Variants in FAM168A observed in about 807,000 individuals in gnomAD.
FAM168A encodes family with sequence similarity 168 member A.
In FAM168A, 3 loss-of-function variants were observed where a neutral mutation model predicts 28.5. The observed-to-expected ratio is 0.11, with a 90% CI of 0.05 to 0.27. The LOEUF is 0.27. Among genes scored for constraint, FAM168A ranks in the 10% least tolerant of loss-of-function variants. The pLI, the probability that FAM168A is intolerant of heterozygous loss-of-function variation, is 1.00. For synonymous variants in FAM168A, 122 were observed against 124.2 expected, an observed-to-expected ratio of 0.98 and a Z score of 0.12; for missense variants, 222 against 311.5, an observed-to-expected ratio of 0.71 and a Z score of 2.16.
At chr11:73,438,823 T>G (rs563456628) in intron 2 of FAM168A, among the ~76,000 whole-genome samples, 1 of 152,058 alleles carries the variant, frequency 6.6e-6, no homozygotes, top group Non-Finnish European at 1.5e-5. Flanking sequence ...TACAAAGATG[T>G]TTAGGAGGCA....
intron 1 of FAM168A, among the ~76,000 whole-genome samples, chr11:73,559,592 T>C (rs1322033050): frequency 6.6e-6 from 1 of 152,122 alleles, no homozygotes; most frequent in Non-Finnish European, 1.5e-5. Context: ...GGTAAATCCA[T>C]AGAGATGAAA....
rs753690704 is a variant in FAM168A, at chr11:73,465,297, TAGAAA to T, written c.70+3103_70+3107del. The stretch of plus-strand genomic sequence containing the variant: ...GGACACTGACACAATCAGAACATTT[TAGAAA>T]AGAAAAGATGAGAAGAATGTTGAGG... On this transcript the variant is annotated intron_variant, in intron 2 of 7. Coordinates refer to ENST00000356467, the MANE Select transcript of FAM168A (RefSeq NM_015159.3). Among the ~76,000 whole-genome samples, 13 of 150,046 alleles carry T rather than the reference TAGAAA, an allele frequency of 8.7e-5. No individual in the cohort carries two copies. The South Asian group carries it at 2.8e-3, about 32-fold the overall frequency.
In FAM168A at chr11:73,488,065, C is replaced by G. The variant is rs2134604131; in HGVS notation, c.-18-19573G>C. Among the ~76,000 whole-genome samples, 2 of 152,170 alleles carry G rather than the reference C, an allele frequency of 1.3e-5. 1 individual carries two copies. Among genetic ancestry groups the G allele is most frequent in the South Asian group, 4.1e-4 (2 of 4,820 alleles). On this transcript the variant is annotated intron_variant, in intron 1 of 7. Coordinates refer to ENST00000356467, the MANE Select transcript of FAM168A (RefSeq NM_015159.3). The stretch of plus-strand genomic sequence containing the variant: ...TATAGGTCTTGGGAGTAGGAAAACA[C>G]ACAATTATGTTTACTAAAGTTAAAA...
chr11:73,419,183 C>T (rs1047378331), intron 4 of FAM168A, among the ~76,000 whole-genome samples: 22 of 152,256 alleles, frequency 1.4e-4, no homozygotes, highest in Admixed American at 7.8e-4. Context: ...TTAGATGTGA[C>T]GGTGACAACA....
At chr11:73,544,688 A>T (rs1481769113) in intron 1 of FAM168A, among the ~76,000 whole-genome samples, 4 of 124,550 alleles carry the variant, frequency 3.2e-5, no homozygotes, top group African/African-American at 1.2e-4. Context: ...ATATAATTAT[A>T]TATTTTATAT....
rs540799316 is a variant in FAM168A at position 73,544,397 on chromosome 11, T to C, written c.-19+53526A>G. On this transcript the variant is annotated intron_variant, in intron 1 of 7. Coordinates refer to ENST00000356467, the MANE Select transcript of FAM168A (RefSeq NM_015159.3). ...GTCCTCAAAAGGGTTAAACATAGAG[T>C]TACCACATGCTCTAACAACTCTACT... 2.6e-5 allele frequency among the ~76,000 whole-genome samples: 4 copies of C among 151,952 alleles called. No individual in the cohort carries two copies. The East Asian group carries it at 7.7e-4, about 29-fold the overall frequency.
chr11:73,546,395 A>G (rs769809147), intron 1 of FAM168A, among the ~76,000 whole-genome samples: 3 of 152,208 alleles, frequency 2.0e-5, no homozygotes, highest in Non-Finnish European at 4.4e-5. Context: ...ATTTTGAAAT[A>G]AGACAGCTTC....
chr11:73,448,856 C>CT (rs1867372314), intron 2 of FAM168A, among the ~76,000 whole-genome samples: 1 of 152,188 alleles, frequency 6.6e-6, no homozygotes, highest in Non-Finnish European at 1.5e-5. Context: ...TCAATGTCAC[C>CT]TGCCACTGAC....
At chr11:73,537,697 G>T (rs529164707) in intron 1 of FAM168A, among the ~76,000 whole-genome samples, 3 of 152,202 alleles carry the variant, frequency 2.0e-5, no homozygotes, top group African/African-American at 7.2e-5. Context: ...CTACCCTCAG[G>T]TTCTTTCATT....
chr11:73,485,206 G>A (rs1868037422), intron 1 of FAM168A, among the ~76,000 whole-genome samples: 6 of 151,978 alleles, frequency 3.9e-5, no homozygotes, highest in Admixed American at 2.6e-4. Context: ...TCATTCCATT[G>A]ACCAAGTTTT....
rs117239787 is a variant in FAM168A at position 73,537,525 on chromosome 11, C to T, written c.-19+60398G>A. 1.0e-3 allele frequency among the ~76,000 whole-genome samples: 157 copies of T among 152,262 alleles called. 5 individuals are homozygous for T. In the East Asian group the frequency reaches 0.029, roughly 28 times the overall value. The stretch of plus-strand genomic sequence containing the variant: ...GCAGAGTGAGAGTGGCTATAATCTT[C>T]CAAGCTATGTACTAGCTGTTCCCAA... On this transcript the variant is annotated intron_variant, in intron 1 of 7. Transcript: ENST00000356467.
intron 1 of FAM168A, among the ~76,000 whole-genome samples, chr11:73,528,494 C>T (rs1375524995): frequency 1.3e-5 from 2 of 152,030 alleles, no homozygotes; most frequent in African/African-American, 2.4e-5. Context: ...CAGAACACAT[C>T]TCCTCATATA....
chr11:73,545,002 A>AATAT (rs1408468098), intron 1 of FAM168A, among the ~76,000 whole-genome samples: 2 of 80,764 alleles, frequency 2.5e-5, no homozygotes, highest in African/African-American at 1.6e-4. Context: ...TAGTATATAT[A>AATAT]ATATACTATA....
At chr11:73,411,285 G>T in intron 5 of FAM168A, 109 bp downstream of exon 5, 1 of 1,280,978 alleles carries the variant, frequency 7.8e-7, no homozygotes, top group East Asian at 2.4e-5. Context: ...GCTAGCCAGA[G>T]CCACAAACCA....
intron 1 of FAM168A, among the ~76,000 whole-genome samples, chr11:73,550,182 T>C (rs747914942): frequency 6.6e-5 from 10 of 152,170 alleles, no homozygotes; most frequent in African/African-American, 1.4e-4. Context: ...ATAAATTGCG[T>C]TGGTAGACAG....
chr11:73,452,811 AAATAAT>A (rs754398178), intron 2 of FAM168A, among the ~76,000 whole-genome samples: 6 of 148,466 alleles, frequency 4.0e-5, no homozygotes, highest in Admixed American at 3.9e-4. Context: ...TGCAAAAAAA[AAATAAT>A]AATAATAAGT....
intron 1 of FAM168A, among the ~76,000 whole-genome samples, chr11:73,579,060 C>T (rs960360674): frequency 6.6e-6 from 1 of 152,192 alleles, no homozygotes; most frequent in Non-Finnish European, 1.5e-5. Context: ...TCACTGTATC[C>T]TCACATAGTG....
At chr11:73,514,764 T>C (rs1390217709) in intron 1 of FAM168A, among the ~76,000 whole-genome samples, 1 of 151,822 alleles carries the variant, frequency 6.6e-6, no homozygotes, top group Non-Finnish European at 1.5e-5. Flanking sequence ...ACCCAGGAGG[T>C]TGAGGCTACA....
chr11:73,494,528 A>T (rs1374435115), intron 1 of FAM168A, among the ~76,000 whole-genome samples: 1 of 152,162 alleles, frequency 6.6e-6, no homozygotes, highest in Admixed American at 6.5e-5. Context: ...ACCTGGCAGA[A>T]CCACCCTTGT....
Sources: allele counts gnomAD v4.1 joint callset (sites outside exome capture counted in the v4.1 genomes callset), GRCh38; gene constraint gnomAD v4.1.1; transcripts MANE v1.5; gene names NCBI Gene and HGNC (gene_info 2026-07-23, HGNC 2026-07-21).